Variants in PIP5K1B observed in about 807,000 individuals in gnomAD.
The protein encoded by PIP5K1B is phosphatidylinositol 4-phosphate 5-kinase type-1 beta.
A neutral mutation model predicts 67.0 loss-of-function variants in PIP5K1B; 42 were observed. The observed-to-expected ratio is 0.63, with a 90% CI of 0.49 to 0.81. The LOEUF (loss-of-function observed/expected upper bound fraction) is 0.81, where lower values mean the gene tolerates loss of function less well. Among genes scored for constraint, PIP5K1B ranks in the 30% least tolerant of loss-of-function variants. PIP5K1B has a pLI of 0.00. For missense variants in PIP5K1B, 459 were observed against 646.3 expected, an observed-to-expected ratio of 0.71 and a Z score of 3.14; for synonymous variants, 214 against 231.4, an observed-to-expected ratio of 0.92 and a Z score of 0.68.
intron 1 of PIP5K1B, among the ~76,000 whole-genome samples, chr9:68,729,459 A>G (rs769068018): frequency 1.4e-4 from 21 of 152,276 alleles, no homozygotes; most frequent in Non-Finnish European, 2.5e-4. Context: ...AAGGAAAATA[A>G]TTTCTTAACA....
Position 68,861,669 on chromosome 9 carries a change from G to A in PIP5K1B, c.70-2168G>A, listed in dbSNP as rs945577369. Among the ~76,000 whole-genome samples the A allele has an allele frequency of 1.5e-4, 23 of 152,244 alleles. No individual in the cohort carries two copies. In the Middle Eastern group the frequency reaches 0.01, roughly 68 times the overall value. Reference sequence around the variant, plus strand: ...CTGGCTTAGAACAGTGTGGCGTATCGGGCCCTCTGGGAAGTGCTTATGTCA... The same window carrying A: ...CTGGCTTAGAACAGTGTGGCGTATCAGGCCCTCTGGGAAGTGCTTATGTCA... On this transcript the variant is annotated intron_variant, in intron 4 of 15. Coordinates refer to ENST00000265382, the MANE Select transcript of PIP5K1B (RefSeq NM_003558.4).
At chr9:68,715,487 G>A (rs768718159) in intron 1 of PIP5K1B, among the ~76,000 whole-genome samples, 3 of 152,112 alleles carry the variant, frequency 2.0e-5, no homozygotes, top group East Asian at 1.9e-4. Context: ...AGCATCGGTC[G>A]ACCACGCTTC....
chr9:68,761,591 T>C (rs1212262919), intron 2 of PIP5K1B, among the ~76,000 whole-genome samples: 1 of 152,098 alleles, frequency 6.6e-6, no homozygotes, highest in Admixed American at 6.6e-5. Context: ...TTTTGGAGGC[T>C]CTGGGGAAGA....
intron 1 of PIP5K1B, among the ~76,000 whole-genome samples, chr9:68,741,813 C>T (rs533424254): frequency 4.2e-4 from 64 of 152,210 alleles, no homozygotes; most frequent in African/African-American, 1.3e-3. Context: ...TCCATGGGCC[C>T]GTTACATTTT....
chr9:68,921,575 C>T (rs1248203271), intron 11 of PIP5K1B, among the ~76,000 whole-genome samples: 1 of 152,096 alleles, frequency 6.6e-6, no homozygotes, highest in Non-Finnish European at 1.5e-5. Context: ...TAAGGGCCCC[C>T]CACCTTTCTC....
intron 4 of PIP5K1B, 129 bp from the exon 5 acceptor site, chr9:68,863,708 C>A: frequency 2.9e-6 from 2 of 690,704 alleles, no homozygotes; most frequent in Non-Finnish European, 4.6e-6. Flanking sequence ...ATCATCTTGC[C>A]AAACCTCAGC....
intron 2 of PIP5K1B, 47 bp downstream of exon 2, chr9:68,742,704 G>A (rs951476316): frequency 6.6e-6 from 1 of 152,140 alleles, no homozygotes; most frequent in African/African-American, 2.4e-5. Context: ...TATTCCCTTC[G>A]AGAGACCCAT....
intron 14 of PIP5K1B, among the ~76,000 whole-genome samples, chr9:68,962,915 AT>A (rs1828826745): frequency 6.6e-6 from 1 of 152,156 alleles, no homozygotes; most frequent in Admixed American, 6.6e-5. Context: ...CTTGATCCAA[AT>A]TCTGCTTGTT....
At chr9:68,864,003 A>G (rs375329978) in intron 5 of PIP5K1B, 36 bp downstream of exon 5, 70 of 1,606,310 alleles carry the variant, frequency 4.4e-5, no homozygotes, top group Non-Finnish European at 5.9e-5. Flanking sequence ...TTTCCATGCT[A>G]AGGAACCTTC....
chr9:68,936,824 T>A (rs1410066580), intron 13 of PIP5K1B, among the ~76,000 whole-genome samples: 3 of 152,192 alleles, frequency 2.0e-5, no homozygotes, highest in Non-Finnish European at 4.4e-5. Flanking sequence ...TCCCACACTA[T>A]ACTACCTGAT....
At chr9:68,963,668 G>T (rs1311394988) in intron 14 of PIP5K1B, among the ~76,000 whole-genome samples, 1 of 152,162 alleles carries the variant, frequency 6.6e-6, no homozygotes, top group Non-Finnish European at 1.5e-5. Context: ...AGCTGTTACG[G>T]TGACTAACAC....
intron 3 of PIP5K1B, among the ~76,000 whole-genome samples, chr9:68,821,315 C>T (rs1255141239): frequency 1.3e-5 from 2 of 152,094 alleles, no homozygotes; most frequent in African/African-American, 4.8e-5. Flanking sequence ...ACTTGGCAAG[C>T]AATTAATGAC....
At chr9:68,967,536 C>A (rs1452603834) in intron 14 of PIP5K1B, among the ~76,000 whole-genome samples, 1 of 152,112 alleles carries the variant, frequency 6.6e-6, no homozygotes, top group Admixed American at 6.5e-5. Flanking sequence ...CCTCAACTAC[C>A]AAGCCAAGGG....
intron 14 of PIP5K1B, among the ~76,000 whole-genome samples, chr9:68,948,103 G>C (rs1827889388): frequency 6.6e-6 from 1 of 152,206 alleles, no homozygotes; most frequent in South Asian, 2.1e-4. Flanking sequence ...GGAAAATGTG[G>C]TCACATTCTT....
chr9:68,895,039 A>C (rs957665775), intron 8 of PIP5K1B, among the ~76,000 whole-genome samples: 2 of 152,208 alleles, frequency 1.3e-5, no homozygotes, highest in African/African-American at 2.4e-5. Context: ...CGAACTGGGG[A>C]GACAAGTTTA....
rs369916615 is a variant in PIP5K1B, at chr9:68,991,279, TCTC to T, written c.1620+27_1620+29del. On this transcript the variant is annotated intron_variant, in intron 15 of 15. Transcript: ENST00000265382. ...TTTAGTAAGTAATTTTTTAGTTTCC[TCTC>T]CTCCACTTCTGGTTTGTAAATGGAT... The T allele has an allele frequency of 5.4e-5, 67 of 1,240,438 alleles. No individual in the cohort carries two copies. The African/African-American group carries it at 8.1e-4, about 15-fold the overall frequency. 76.8% of individuals were successfully genotyped at this position (1,240,438 alleles called of 1,614,324 possible).
chr9:68,950,577 G>A (rs966320208), intron 14 of PIP5K1B, among the ~76,000 whole-genome samples: 1 of 152,142 alleles, frequency 6.6e-6, no homozygotes, highest in Non-Finnish European at 1.5e-5. Context: ...TGTGTACAAA[G>A]TAGTGTTCCC....
chr9:68,976,786 C>T (rs1829650086), intron 14 of PIP5K1B, among the ~76,000 whole-genome samples: 1 of 152,168 alleles, frequency 6.6e-6, no homozygotes, highest in Admixed American at 6.5e-5. Context: ...CTAATGCCAC[C>T]ACTGATTACT....
At chr9:68,985,254 CTT>C (rs749017407) in intron 14 of PIP5K1B, among the ~76,000 whole-genome samples, 25 of 140,192 alleles carry the variant, frequency 1.8e-4, no homozygotes, top group Admixed American at 2.8e-4. Flanking sequence ...ATCTCTTCTT[CTT>C]TTTTTTTTTT....
Sources: gnomAD v4.1 joint callset for allele counts (sites outside exome capture counted in the v4.1 genomes callset) on GRCh38, gnomAD v4.1.1 for gene constraint, MANE v1.5 for transcripts, NCBI Gene and HGNC (gene_info 2026-07-23, HGNC 2026-07-21) for gene names.